The following GRID1 variants were observed in gnomAD, a reference collection of about 807,000 sequenced individuals.
GRID1 encodes the protein glutamate ionotropic receptor delta type subunit 1, also known as glutamate receptor ionotropic, delta-1.
A neutral mutation model predicts 98.0 loss-of-function variants in GRID1; 28 were observed. The observed-to-expected ratio is 0.29, with a 90% CI of 0.21 to 0.39. The LOEUF is 0.39. GRID1 is among the 10% of genes least tolerant of loss of function. The probability of loss-of-function intolerance (pLI) is 1.00; values close to 1 mark genes in which losing one functional copy is unlikely to be tolerated. For missense variants in GRID1, 1,111 were observed against 1,340.5 expected (o/e 0.83, Z 2.67); for synonymous variants, 553 against 538.5 (o/e 1.03, Z -0.37).
At chr10:86,106,265 G>A (rs1273847987) in intron 4 of GRID1, among the ~76,000 whole-genome samples, 2 of 152,220 alleles carry the variant, frequency 1.3e-5, no homozygotes, top group Non-Finnish European at 2.9e-5. Flanking sequence ...GAAACATTAG[G>A]TAGGGTATGC....
chr10:86,147,735 T>C (rs1278870811), intron 3 of GRID1, among the ~76,000 whole-genome samples: 1 of 152,236 alleles, frequency 6.6e-6, no homozygotes, highest in East Asian at 1.9e-4. Flanking sequence ...TGTCTCTCCC[T>C]GCGTTAGTAA....
intron 4 of GRID1, among the ~76,000 whole-genome samples, chr10:85,928,303 A>T (rs998975393): frequency 6.6e-6 from 1 of 152,228 alleles, no homozygotes; most frequent in African/African-American, 2.4e-5. Context: ...TAAAACACTT[A>T]CATAAATACA....
At chr10:85,707,544 A>G (rs1841534425) in intron 12 of GRID1, among the ~76,000 whole-genome samples, 1 of 152,220 alleles carries the variant, frequency 6.6e-6, no homozygotes, top group Admixed American at 6.5e-5. Flanking sequence ...CCATTGTGGA[A>G]GTCAGTGTGG....
chr10:85,603,389 G>A (rs542200804), intron 15 of GRID1, among the ~76,000 whole-genome samples: 2 of 152,308 alleles, frequency 1.3e-5, no homozygotes, highest in South Asian at 4.1e-4. Context: ...ACTTCCCCAG[G>A]GTCAGCTGAC....
chr10:86,185,648 C>T (rs1366864134), intron 3 of GRID1, among the ~76,000 whole-genome samples: 1 of 152,120 alleles, frequency 6.6e-6, no homozygotes, highest in East Asian at 1.9e-4. Flanking sequence ...TACCTTATAT[C>T]CCCAGTTTGC....
chr10:86,210,476 C>G (rs1846092838), intron 2 of GRID1, among the ~76,000 whole-genome samples: 1 of 152,250 alleles, frequency 6.6e-6, no homozygotes, highest in Admixed American at 6.5e-5. Context: ...GCCAATGCCT[C>G]ACAGTGCACA....
At chr10:86,153,973 C>T (rs1241305775) in intron 3 of GRID1, among the ~76,000 whole-genome samples, 2 of 152,204 alleles carry the variant, frequency 1.3e-5, no homozygotes, top group African/African-American at 2.4e-5. Flanking sequence ...TCACATGCCG[C>T]ACCCGCCCAG....
intron 13 of GRID1, among the ~76,000 whole-genome samples, chr10:85,636,481 C>A (rs1268377351): frequency 6.6e-6 from 1 of 152,186 alleles, no homozygotes; most frequent in Non-Finnish European, 1.5e-5. Context: ...CATTCATGAT[C>A]TTATTCAATT....
chr10:86,196,495 A>G (rs1169280342), intron 3 of GRID1, among the ~76,000 whole-genome samples: 1 of 152,086 alleles, frequency 6.6e-6, no homozygotes, highest in Admixed American at 6.6e-5. Flanking sequence ...TGGGAAAACA[A>G]AGGATCAGAA....
chr10:85,906,668 CA>C (rs1212171662), intron 5 of GRID1, among the ~76,000 whole-genome samples: 16 of 151,974 alleles, frequency 1.1e-4, no homozygotes, highest in African/African-American at 3.9e-4. Flanking sequence ...AGAAGGAATC[CA>C]AAAGTAATAT....
At chr10:86,138,772 G>A (rs1464289769) in intron 4 of GRID1, 47 bp downstream of exon 4, 2 of 1,485,222 alleles carry the variant, frequency 1.3e-6, no homozygotes, top group Admixed American at 1.7e-5. Flanking sequence ...ATCTTCTGCA[G>A]AGCCCTGGGC....
chr10:86,340,234 A>C (rs1848291146), intron 2 of GRID1, among the ~76,000 whole-genome samples: 1 of 152,206 alleles, frequency 6.6e-6, no homozygotes, highest in South Asian at 2.1e-4. Context: ...GCGGGGATGA[A>C]ATGAGGAGAG....
intron 4 of GRID1, among the ~76,000 whole-genome samples, chr10:86,136,669 G>C (rs2131970382): frequency 6.6e-6 from 1 of 152,326 alleles, no homozygotes; most frequent in South Asian, 2.1e-4. Context: ...TGAGAACAGG[G>C]ATCAAGACTC....
At chr10:85,907,595 A>G (rs1487345836) in intron 5 of GRID1, among the ~76,000 whole-genome samples, 2 of 152,222 alleles carry the variant, frequency 1.3e-5, no homozygotes, top group Non-Finnish European at 2.9e-5. Context: ...TCTAACAAAC[A>G]TTTAGTGGAA....
At chr10:85,772,401 C>A (rs1031389712) in intron 8 of GRID1, among the ~76,000 whole-genome samples, 8 of 150,484 alleles carry the variant, frequency 5.3e-5, no homozygotes, top group Non-Finnish European at 7.3e-5. Flanking sequence ...CCTAATGTCA[C>A]AATTAAAAGA....
chr10:86,063,815 G>T (rs538518819), intron 4 of GRID1, among the ~76,000 whole-genome samples: 1 of 152,120 alleles, frequency 6.6e-6, no homozygotes, highest in Admixed American at 6.5e-5. Flanking sequence ...CAACTCAGGG[G>T]CCTGTTTTTA....
intron 8 of GRID1, among the ~76,000 whole-genome samples, chr10:85,822,671 A>C (rs1273645703): frequency 6.6e-6 from 1 of 152,236 alleles, no homozygotes; most frequent in East Asian, 1.9e-4. Flanking sequence ...CATTTGACCC[A>C]GCCATCCCAT....
intron 2 of GRID1, among the ~76,000 whole-genome samples, chr10:86,240,212 T>C (rs1222371231): frequency 6.6e-6 from 1 of 152,206 alleles, no homozygotes; most frequent in Non-Finnish European, 1.5e-5. Flanking sequence ...AAGGAAACTG[T>C]GGCTCAGAAG....
chr10:86,256,905 A>G (rs1846928620), intron 2 of GRID1, among the ~76,000 whole-genome samples: 1 of 152,138 alleles, frequency 6.6e-6, no homozygotes, highest in African/African-American at 2.4e-5. Flanking sequence ...TGTGTTCCCC[A>G]GTGAAGGACA....
Sources: allele counts gnomAD v4.1 joint callset (sites outside exome capture counted in the v4.1 genomes callset), GRCh38; gene constraint gnomAD v4.1.1; transcripts MANE v1.5; gene names NCBI Gene and HGNC (gene_info 2026-07-23, HGNC 2026-07-21).